Variants in MIR2052HG observed in about 807,000 individuals in gnomAD.
MIR2052HG encodes the protein MIR2052 host gene.
At chr8:74,600,070 C>T (rs1170999800) in intron 1 of MIR2052HG, among the ~76,000 whole-genome samples, 1 of 152,172 alleles carries the variant, frequency 6.6e-6, no homozygotes, top group Non-Finnish European at 1.5e-5. Flanking sequence ...GAGGCAATGC[C>T]TCGCCGTGCT....
rs544083131 is a variant in MIR2052HG at position 74,745,748 on chromosome 8, G to A, written n.372-6693G>A. Among the ~76,000 whole-genome samples, 49 of 152,246 alleles carry A rather than the reference G, an allele frequency of 3.2e-4. 1 individual carries two copies. The South Asian group carries it at 8.1e-3, about 25-fold the overall frequency. ...CTGGCATTTCCTCATATGGGAAACC[G>A]TCATCAATTTCTTGAAAAGAGCCTT... On this transcript the variant is annotated intron_variant and non_coding_transcript_variant, in intron 4 of 6. Transcript: ENST00000523442.
In MIR2052HG at chr8:74,664,821, A is replaced by G. The variant is rs182664679; in HGVS notation, n.217-37558A>G. On this transcript the variant is annotated intron_variant and non_coding_transcript_variant, in intron 2 of 6. Coordinates refer to ENST00000523442, the Ensembl canonical transcript of MIR2052HG. ...GCGTGAGCCACTGCACCAGGCCTCA[A>G]CTTTTCTTTTGTTCTTTGCTTCCAC... Among the ~76,000 whole-genome samples, 363 of 152,124 alleles carry G rather than the reference A, an allele frequency of 2.4e-3. 2 individuals are homozygous for G. The highest frequency in any genetic ancestry group is 3.9e-3 in the Non-Finnish European group (266 of 67,996).
intron 4 of MIR2052HG, among the ~76,000 whole-genome samples, chr8:74,728,372 T>G (rs1586925121): frequency 6.6e-6 from 1 of 152,288 alleles, no homozygotes; most frequent in South Asian, 2.1e-4. Flanking sequence ...TAGTTGTGGG[T>G]TTGTTTGCTT....
intron 2 of MIR2052HG, among the ~76,000 whole-genome samples, chr8:74,699,108 A>G (rs891325483): frequency 9.9e-5 from 15 of 152,118 alleles, no homozygotes; most frequent in African/African-American, 3.1e-4. Flanking sequence ...GCAAAAAATA[A>G]TAGATGTTGG....
intron 2 of MIR2052HG, chr8:74,628,709 G>A (rs377302163): frequency 1.1e-4 from 16 of 152,302 alleles, no homozygotes; most frequent in African/African-American, 3.6e-4. Context: ...TAGGAGTTCA[G>A]TAGTAGGATA....
At chr8:74,623,822 C>T (rs866421697) in intron 2 of MIR2052HG, among the ~76,000 whole-genome samples, 2 of 152,112 alleles carry the variant, frequency 1.3e-5, no homozygotes, top group African/African-American at 4.8e-5. Context: ...TGCTACATGG[C>T]TTGATGATCT....
intron 2 of MIR2052HG, among the ~76,000 whole-genome samples, chr8:74,659,637 G>A (rs1297052499): frequency 6.6e-6 from 1 of 152,080 alleles, no homozygotes; most frequent in Non-Finnish European, 1.5e-5. Context: ...GTAGATATGG[G>A]ATCTCACTAT....
intron 2 of MIR2052HG, among the ~76,000 whole-genome samples, chr8:74,665,190 G>A (rs758404906): frequency 1.3e-4 from 19 of 151,862 alleles, no homozygotes; most frequent in Non-Finnish European, 2.4e-4. Flanking sequence ...TTTTGATTTC[G>A]AATTTGCCAA....
intron 1 of MIR2052HG, among the ~76,000 whole-genome samples, chr8:74,601,095 A>C (rs1807993858): frequency 6.6e-6 from 1 of 152,220 alleles, no homozygotes; most frequent in Admixed American, 6.5e-5. Flanking sequence ...TGAGAATTTT[A>C]ATGCAGTCAG....
At chr8:74,679,065 A>G (rs572236847) in intron 2 of MIR2052HG, among the ~76,000 whole-genome samples, 4 of 152,298 alleles carry the variant, frequency 2.6e-5, no homozygotes, top group African/African-American at 7.2e-5. Context: ...AAACCTACCA[A>G]TGATGGATGT....
At chr8:74,705,302 A>G (rs898031808) in intron 4 of MIR2052HG, among the ~76,000 whole-genome samples, 1 of 152,102 alleles carries the variant, frequency 6.6e-6, no homozygotes, top group African/African-American at 2.4e-5. Flanking sequence ...TTTTTCTAGT[A>G]AAATTAAAAG....
chr8:74,669,775 C>G (rs1343606886), intron 2 of MIR2052HG, among the ~76,000 whole-genome samples: 1 of 152,142 alleles, frequency 6.6e-6, no homozygotes, highest in African/African-American at 2.4e-5. Flanking sequence ...CCTTGGATCT[C>G]AAATGTCATC....
intron 2 of MIR2052HG, among the ~76,000 whole-genome samples, chr8:74,643,977 T>C (rs903893657): frequency 6.6e-6 from 1 of 152,234 alleles, no homozygotes. Context: ...GCTTCTTTCT[T>C]ACTTTTGTAT....
chr8:74,691,536 C>T (rs1809239471), intron 2 of MIR2052HG, among the ~76,000 whole-genome samples: 1 of 152,226 alleles, frequency 6.6e-6, no homozygotes, highest in Non-Finnish European at 1.5e-5. Flanking sequence ...CAACTAGGGG[C>T]AATTCCCAGT....
intron 2 of MIR2052HG, among the ~76,000 whole-genome samples, chr8:74,656,616 T>C (rs1481859278): frequency 6.6e-6 from 1 of 152,186 alleles, no homozygotes; most frequent in Non-Finnish European, 1.5e-5. Flanking sequence ...TAAACCATTT[T>C]TTCTTCCCAG....
intron 1 of MIR2052HG, among the ~76,000 whole-genome samples, chr8:74,610,442 AAATT>A (rs1358101947): frequency 1.3e-5 from 2 of 151,990 alleles, no homozygotes; most frequent in East Asian, 3.9e-4. Context: ...TCAAGTATCT[AAATT>A]AATCTATAAA....
chr8:74,622,513 A>G (rs1326472589), intron 2 of MIR2052HG, among the ~76,000 whole-genome samples: 1 of 152,196 alleles, frequency 6.6e-6, no homozygotes, highest in Non-Finnish European at 1.5e-5. Flanking sequence ...CTGAGGCATG[A>G]GAATTGCTTG....
rs146824336 is a variant in MIR2052HG at position 74,671,070 on chromosome 8, C to T, written n.217-31309C>T. Among the ~76,000 whole-genome samples, 30 of 151,332 alleles carry T rather than the reference C, an allele frequency of 2.0e-4. 1 individual carries two copies. Among genetic ancestry groups the T allele is most frequent in the African/African-American group, 5.8e-4 (24 of 41,206 alleles). ...GATCTCTAACCTGTAAAGAGCTTGT[C>T]GTCAAGTCAGGTGTGTGTAATAGTT... On this transcript the variant is annotated intron_variant and non_coding_transcript_variant, in intron 2 of 6. Coordinates refer to ENST00000523442, the Ensembl canonical transcript of MIR2052HG.
intron 2 of MIR2052HG, among the ~76,000 whole-genome samples, chr8:74,623,779 A>G (rs1250242871): frequency 6.6e-6 from 1 of 152,226 alleles, no homozygotes; most frequent in East Asian, 1.9e-4. Context: ...GGATCTCAGA[A>G]TAGAATTCTT....
Sources: allele counts gnomAD v4.1 joint callset (sites outside exome capture counted in the v4.1 genomes callset), GRCh38; gene constraint gnomAD v4.1.1; transcripts MANE v1.5; gene names NCBI Gene and HGNC (gene_info 2026-07-23, HGNC 2026-07-21).